Variants in SNX25 observed in about 807,000 individuals in gnomAD.
The protein encoded by SNX25 is sorting nexin 25.
SNX25 carries 62 observed loss-of-function variants against 113.7 expected under a neutral mutation model. The observed-to-expected ratio is 0.55, with a 90% confidence interval of 0.44 to 0.67. The LOEUF (loss-of-function observed/expected upper bound fraction) is 0.67. SNX25 is among the 30% of genes least tolerant of loss of function. The pLI is 0.00. For synonymous variants in SNX25, 421 were observed against 436.2 expected (o/e 0.97, Z 0.43); for missense variants, 1,014 against 1,161.0 (o/e 0.87, Z 1.84).
intron 18 of SNX25, among the ~76,000 whole-genome samples, 179 bp downstream of exon 18, chr4:185,362,890 T>A (rs1163265078): frequency 2.0e-5 from 3 of 147,198 alleles, no homozygotes; most frequent in Non-Finnish European, 4.5e-5. Flanking sequence ...TCCCCCAGGC[T>A]GGAGTGCAAT....
chr4:185,309,508 C>T lies in SNX25; in HGVS notation c.1163-1127C>T, dbSNP rs140507961. Among the ~76,000 whole-genome samples, 401 of 152,308 alleles carry T rather than the reference C, an allele frequency of 2.6e-3. 1 individual carries two copies. Among genetic ancestry groups the T allele is most frequent in the Non-Finnish European group, 3.6e-3 (247 of 68,018 alleles). ...TGAGTTAGCATCTTCCACAAACCTGCTTTTTCTCCAGTGTTTCTAGCTTAG... is the reference window on the plus strand; with the variant it reads ...TGAGTTAGCATCTTCCACAAACCTGTTTTTTCTCCAGTGTTTCTAGCTTAG... On this transcript the variant is annotated intron_variant, in intron 6 of 18. Transcript: ENST00000652585.
upstream of SNX25, among the ~76,000 whole-genome samples, chr4:185,204,895 T>C (rs1454274274): frequency 6.6e-6 from 1 of 152,218 alleles, no homozygotes; most frequent in East Asian, 1.9e-4. Flanking sequence ...ATTTTAGACT[T>C]AATACCTTAA....
chr4:185,268,888 A>G (rs1186574322), intron 5 of SNX25, among the ~76,000 whole-genome samples: 3 of 152,244 alleles, frequency 2.0e-5, no homozygotes, highest in Non-Finnish European at 4.4e-5. Flanking sequence ...ACTCAAATAT[A>G]TAATGATGAG....
chr4:185,315,994 A>T (rs140302984), intron 7 of SNX25, among the ~76,000 whole-genome samples: 57 of 152,328 alleles, frequency 3.7e-4, no homozygotes, highest in African/African-American at 1.3e-3. Flanking sequence ...AGTGTACAAT[A>T]TGATAAGTTT....
intron 10 of SNX25, among the ~76,000 whole-genome samples, chr4:185,338,370 A>AATC (rs1561029503): frequency 6.6e-6 from 1 of 150,500 alleles, no homozygotes; most frequent in Non-Finnish European, 1.5e-5. Context: ...CCAACCCCTG[A>AATC]GTTCAAGCGA....
chr4:185,306,887 A>AT (rs1164717460), intron 6 of SNX25, among the ~76,000 whole-genome samples: 2 of 152,142 alleles, frequency 1.3e-5, no homozygotes, highest in African/African-American at 2.4e-5. Flanking sequence ...CTGAAATACT[A>AT]TTTTTTTCCT....
intron 1 of SNX25, among the ~76,000 whole-genome samples, chr4:185,223,085 G>A (rs1740250593): frequency 6.6e-6 from 1 of 152,084 alleles, no homozygotes; most frequent in South Asian, 2.1e-4. Context: ...GAATGATTAT[G>A]GAGAGAAAAC....
At chr4:185,273,571 G>A (rs193111352) in intron 5 of SNX25, among the ~76,000 whole-genome samples, 1 of 152,122 alleles carries the variant, frequency 6.6e-6, no homozygotes, top group Non-Finnish European at 1.5e-5. Context: ...AGCAAATTTC[G>A]AGTGTATCAT....
At chr4:185,359,410 T>A (rs980918986) in intron 16 of SNX25, among the ~76,000 whole-genome samples, 2 of 152,116 alleles carry the variant, frequency 1.3e-5, no homozygotes, top group Non-Finnish European at 2.9e-5. Context: ...TAGGCTTTTG[T>A]TTTACTCAGA....
chr4:185,294,907 TG>T (rs1377893860), intron 6 of SNX25, among the ~76,000 whole-genome samples: 13 of 152,196 alleles, frequency 8.5e-5, no homozygotes, highest in African/African-American at 3.1e-4. Flanking sequence ...AGTAACTTAT[TG>T]GATGTTACAG....
downstream of SNX25, chr4:185,372,912 G>A (rs1160715761): frequency 2.5e-6 from 4 of 1,613,024 alleles, no homozygotes; most frequent in African/African-American, 4.0e-5. Flanking sequence ...AATACTCCAC[G>A]AGATTCCCTT....
chr4:185,351,677 TG>T (rs1400556008), intron 14 of SNX25, 68 bp downstream of exon 14: 2 of 1,513,848 alleles, frequency 1.3e-6, no homozygotes, highest in Non-Finnish European at 1.8e-6. Context: ...ATGCTCCTCA[TG>T]GGGGGAAGCA....
At chr4:185,330,934 G>A (rs1041175045) in intron 9 of SNX25, among the ~76,000 whole-genome samples, 2 of 152,076 alleles carry the variant, frequency 1.3e-5, no homozygotes, top group African/African-American at 4.8e-5. Context: ...AATTAAGATA[G>A]TTAATTTTAC....
At chr4:185,209,015 A>G (rs542207885), upstream of SNX25, among the ~76,000 whole-genome samples, 2 of 152,292 alleles carry the variant, frequency 1.3e-5, no homozygotes, top group Non-Finnish European at 2.9e-5. This position sits in a 1 kb window ranked among gnomAD's most constrained non-coding sequence, Gnocchi z 5.2. Flanking sequence ...ACAAAACAAA[A>G]CAAAAACCAG....
intron 5 of SNX25, among the ~76,000 whole-genome samples, chr4:185,275,677 T>C (rs889221767): frequency 6.6e-6 from 1 of 152,234 alleles, no homozygotes; most frequent in African/African-American, 2.4e-5. Flanking sequence ...GAAAATACAT[T>C]GTGACTCATG....
intron 7 of SNX25, among the ~76,000 whole-genome samples, chr4:185,312,337 C>A (rs1255007750): frequency 6.6e-6 from 1 of 152,056 alleles, no homozygotes; most frequent in African/African-American, 2.4e-5. Context: ...CTAGGAGAAG[C>A]ACATAATGGC....
rs556808291 is a variant in SNX25, at chr4:185,209,918, G to A, written c.92G>A (p.Gly31Asp). Residue 31 changes from glycine to aspartate, a missense_variant, in exon 1 of 19, where the codon GGC (glycine) becomes GAC (aspartate). Coordinates refer to ENST00000652585, the MANE Select transcript of SNX25 (RefSeq NM_001378034.2). The surrounding 1 kb of genome is among the most constrained non-coding windows in gnomAD (Gnocchi z 5.2). ...AGGRPVSGFR[G>D]ERRPESPGDA... is the part of the protein sequence containing the mutation. The stretch of plus-strand genomic sequence containing the variant: ...GGCCGTCCTGTCTCGGGCTTCAGGG[G>A]CGAGCGGCGGCCGGAGTCCCCGGGG... 7,067 of 983,302 alleles carry A rather than the reference G, an allele frequency of 7.2e-3. 31 individuals are homozygous for A. Among genetic ancestry groups the A allele is most frequent in the Non-Finnish European group, 8.0e-3 (6,619 of 829,176 alleles). 60.9% of individuals were successfully genotyped at this position (983,302 alleles called of 1,614,324 possible).
chr4:185,265,738 A>G (rs1013427809), intron 4 of SNX25, among the ~76,000 whole-genome samples: 8 of 152,196 alleles, frequency 5.3e-5, no homozygotes, highest in African/African-American at 1.9e-4. Context: ...TATCATCATT[A>G]TCAAGTATGC....
At position 185,323,557 on chromosome 4, in the gene SNX25, T is replaced by C. The variant is rs759864394; in HGVS notation, c.1506T>C (p.Ile502=). 1 of 1,611,502 alleles carries C rather than the reference T, an allele frequency of 6.2e-7. No individual in the cohort carries two copies. Among genetic ancestry groups the C allele is most frequent in the Admixed American group, 1.7e-5 (1 of 59,478 alleles). Residue 502 remains isoleucine, a synonymous_variant, in exon 9 of 19, where the codon ATT becomes ATC. Transcript: ENST00000652585. ...KNEIPQLVGE[I]YQNFFVESKE... is the part of the protein sequence containing the mutation. Reference sequence around the variant, plus strand: ...AAATTCCACAATTAGTTGGTGAAATTTATCAGAATTTCTTTGTGGAGAGCA... The same window carrying C: ...AAATTCCACAATTAGTTGGTGAAATCTATCAGAATTTCTTTGTGGAGAGCA...
Sources: gnomAD v4.1 joint callset for allele counts (sites outside exome capture counted in the v4.1 genomes callset) on GRCh38, gnomAD v4.1.1 for gene constraint, Gnocchi (gnomAD v3.1) non-coding constraint, MANE v1.5 for transcripts, NCBI Gene and HGNC (gene_info 2026-07-23, HGNC 2026-07-21) for gene names.